The following TSPAN11 variants were observed in gnomAD, a reference collection of about 807,000 sequenced individuals.
TSPAN11 encodes tetraspanin-11.
A neutral mutation model predicts 32.9 loss-of-function variants in TSPAN11; 29 were observed. That is an observed-to-expected ratio of 0.88 (90% CI 0.66 to 1.20). The LOEUF (loss-of-function observed/expected upper bound fraction) is 1.20. TSPAN11 is among the 50% of genes most tolerant of loss of function. The pLI, the probability that TSPAN11 is intolerant of heterozygous loss-of-function variation, is 0.00. For missense variants in TSPAN11, 283 were observed against 329.1 expected (o/e 0.86, Z 1.08); for synonymous variants, 140 against 141.3 (o/e 0.99, Z 0.07).
Position 30,995,659 on chromosome 12 carries a change from G to A in TSPAN11, c.*3744G>A, listed in dbSNP as rs966955569. 3 of 152,164 alleles carry A rather than the reference G, an allele frequency of 2.0e-5. No homozygotes were observed. The highest frequency in any genetic ancestry group is 4.4e-5 in the Non-Finnish European group (3 of 68,054). The allele number at this position is 152,164 out of a possible 1,614,324, so 9.4% of individuals were successfully genotyped here. On this transcript the variant is annotated 3_prime_UTR_variant, in exon 8 of 8. Coordinates refer to ENST00000546076, the MANE Select transcript of TSPAN11 (RefSeq NM_001370302.1). ...CACCACCCACCCTGTCACCCACCTG[G>A]AAAACATTCTTGATATACTGGCCAT...
At chr12:30,973,086 G>A (rs550590082) in intron 3 of TSPAN11, among the ~76,000 whole-genome samples, 4 of 152,244 alleles carry the variant, frequency 2.6e-5, no homozygotes, top group South Asian at 2.1e-4. Context: ...GAGCTCATCC[G>A]TCCATCCCTC....
chr12:30,949,923 A>G (rs1339721515), intron 1 of TSPAN11, among the ~76,000 whole-genome samples: 2 of 149,596 alleles, frequency 1.3e-5, no homozygotes, highest in Non-Finnish European at 3.0e-5. Context: ...TTCTCCTTCT[A>G]CCCTCCCCCT....
chr12:30,984,428 A>G (rs1369431979), intron 7 of TSPAN11, among the ~76,000 whole-genome samples: 1 of 152,104 alleles, frequency 6.6e-6, no homozygotes, highest in African/African-American at 2.4e-5. Context: ...AGGCCTCCAG[A>G]ATTGGAAGCT....
intron 1 of TSPAN11, 46 bp downstream of exon 1, chr12:30,926,842 G>T: frequency 3.2e-6 from 3 of 933,314 alleles, no homozygotes; most frequent in Non-Finnish European, 4.2e-6. Context: ...CGCGGGAGGG[G>T]GCTGGGGGTC....
the TSPAN11 span, among the ~76,000 whole-genome samples, chr12:31,013,422 A>T: frequency 6.6e-6 from 1 of 151,936 alleles, no homozygotes. Flanking sequence ...AAAAAAAAAA[A>T]ATTTTTTTTA....
the TSPAN11 span, among the ~76,000 whole-genome samples, chr12:31,009,446 TCTC>T: frequency 1.4e-4 from 21 of 152,342 alleles, no homozygotes; most frequent in African/African-American, 5.1e-4. Flanking sequence ...TGTTCAGACT[TCTC>T]TGTGCAGTGT....
chr12:30,971,431 C>T lies in TSPAN11; in HGVS notation c.277-7130C>T, dbSNP rs535242498. On this transcript the variant is annotated intron_variant, in intron 3 of 7. Coordinates refer to ENST00000546076, the MANE Select transcript of TSPAN11 (RefSeq NM_001370302.1). ...ATCTGGGGCTCAGCTTGCCCGCAAGCGATGTTAAGTCCAACCCTCAATTTC... is the reference window on the plus strand; with the variant it reads ...ATCTGGGGCTCAGCTTGCCCGCAAGTGATGTTAAGTCCAACCCTCAATTTC... Among the ~76,000 whole-genome samples, 17 of 152,282 alleles carry T rather than the reference C, an allele frequency of 1.1e-4. No homozygotes were observed. The South Asian group carries it at 3.3e-3, about 30-fold the overall frequency.
At chr12:30,948,781 A>G (rs1938321008) in intron 1 of TSPAN11, among the ~76,000 whole-genome samples, 1 of 152,196 alleles carries the variant, frequency 6.6e-6, no homozygotes, top group African/African-American at 2.4e-5. Flanking sequence ...GCTCCTCATT[A>G]CTTATGCAAA....
intron 1 of TSPAN11, among the ~76,000 whole-genome samples, chr12:30,941,201 A>G (rs1165552226): frequency 6.6e-6 from 1 of 152,200 alleles, no homozygotes; most frequent in African/African-American, 2.4e-5. Context: ...AAACCCATAT[A>G]TACAGAGGGC....
At chr12:30,950,919 A>G (rs923881349) in intron 1 of TSPAN11, among the ~76,000 whole-genome samples, 1 of 152,254 alleles carries the variant, frequency 6.6e-6, no homozygotes, top group Admixed American at 6.5e-5. Flanking sequence ...ATCTACCAGA[A>G]TGATATCACA....
In TSPAN11 at chr12:30,963,902, C is replaced by CCAG. The variant is rs1938669633; in HGVS notation, c.164_166dup (p.Ser55dup). 2 of 1,613,626 alleles carry CCAG rather than the reference C, an allele frequency of 1.2e-6. No homozygotes were observed. Among genetic ancestry groups the CCAG allele is most frequent in the African/African-American group, 2.7e-5 (2 of 74,938 alleles). On this transcript the variant is annotated inframe_insertion, in exon 3 of 8. Coordinates refer to ENST00000546076, the MANE Select transcript of TSPAN11 (RefSeq NM_001370302.1). ...AGTGGCTACCTCAGCGTCCTGGCCT[C>CCAG]CAGCACCTTTGCCGCCTCCGCCTAC...
intron 2 of TSPAN11, 90 bp from the exon 3 acceptor site, chr12:30,963,736 G>A (rs1381322970): frequency 2.1e-6 from 3 of 1,421,576 alleles, no homozygotes; most frequent in Non-Finnish European, 2.9e-6. Flanking sequence ...GCCAGTGCAA[G>A]AGAAGTGCCT....
At chr12:30,998,757 G>A (rs754129617), downstream of TSPAN11, among the ~76,000 whole-genome samples, 12 of 152,330 alleles carry the variant, frequency 7.9e-5, 1 homozygote, top group East Asian at 3.9e-4. Context: ...TAATGTTCCC[G>A]TGATGGGGAT....
At chr12:30,959,415 G>C in intron 2 of TSPAN11, among the ~76,000 whole-genome samples, 1 of 152,102 alleles carries the variant, frequency 6.6e-6, no homozygotes. Context: ...GAAAAAGAGA[G>C]AGCCTCCCTG....
At chr12:30,930,882 G>C (rs1937907826) in intron 1 of TSPAN11, among the ~76,000 whole-genome samples, 1 of 152,238 alleles carries the variant, frequency 6.6e-6, no homozygotes, top group Non-Finnish European at 1.5e-5. Flanking sequence ...CAACTATGGA[G>C]GGGGAAGTGG....
intron 2 of TSPAN11, among the ~76,000 whole-genome samples, chr12:30,957,445 C>T (rs902791602): frequency 3.3e-5 from 5 of 152,114 alleles, no homozygotes; most frequent in East Asian, 1.9e-4. Flanking sequence ...ACTTGCTTCC[C>T]GGCCAAGCAG....
chr12:30,934,490 C>T (rs920794121), intron 1 of TSPAN11, among the ~76,000 whole-genome samples: 1 of 152,188 alleles, frequency 6.6e-6, no homozygotes, highest in African/African-American at 2.4e-5. Flanking sequence ...CTTAACACAC[C>T]CCTTCAACAA....
intron 3 of TSPAN11, among the ~76,000 whole-genome samples, chr12:30,974,297 G>A (rs946298686): frequency 2.0e-5 from 3 of 152,218 alleles, no homozygotes; most frequent in African/African-American, 4.8e-5. Flanking sequence ...TTGCAACCTC[G>A]GCACTGCTGG....
chr12:31,007,723 T>C, the TSPAN11 span, among the ~76,000 whole-genome samples: 2 of 152,172 alleles, frequency 1.3e-5, no homozygotes, highest in African/African-American at 4.8e-5. Context: ...AATTAGTGAA[T>C]GGGAAGACTT....
Sources: allele counts gnomAD v4.1 joint callset (sites outside exome capture counted in the v4.1 genomes callset), GRCh38; gene constraint gnomAD v4.1.1; transcripts MANE v1.5; gene names NCBI Gene and HGNC (gene_info 2026-07-23, HGNC 2026-07-21).